Variants in PRKACA observed in about 807,000 individuals in gnomAD.
PRKACA encodes cAMP-dependent protein kinase catalytic subunit alpha.
Under a neutral mutation model 45.8 loss-of-function variants are expected in PRKACA, and 9 were observed. The observed-to-expected ratio is 0.20, with a 90% CI of 0.12 to 0.34. The LOEUF (loss-of-function observed/expected upper bound fraction) is 0.34, where lower values mean the gene tolerates loss of function less well. PRKACA is among the 10% of genes least tolerant of loss of function. The pLI, the probability that PRKACA is intolerant of heterozygous loss-of-function variation, is 1.00. For synonymous variants in PRKACA, 160 were observed against 178.6 expected (o/e 0.90, Z 0.83); for missense variants, 238 against 458.6 (o/e 0.52, Z 4.39).
At chr19:14,114,243 G>T (rs759970476) in intron 1 of PRKACA, 6 of 1,547,882 alleles carry the variant, frequency 3.9e-6, no homozygotes, top group African/African-American at 1.4e-5. Flanking sequence ...TCTGTCCCCA[G>T]AACCCTGCCT....
At chr19:14,116,762 TAA>T (rs1568540666) in intron 1 of PRKACA, among the ~76,000 whole-genome samples, 1 of 151,952 alleles carries the variant, frequency 6.6e-6, no homozygotes, top group Admixed American at 6.6e-5. Context: ...TCTACGTTCA[TAA>T]ACAGTCTGCT....
intron 2 of PRKACA, among the ~76,000 whole-genome samples, chr19:14,107,134 C>T (rs1433229124): frequency 4.1e-5 from 1 of 24,456 alleles, no homozygotes; most frequent in Non-Finnish European, 7.9e-5. Flanking sequence ...GGGGCAGGGG[C>T]GGGCCGTTGG....
intron 1 of PRKACA, among the ~76,000 whole-genome samples, chr19:14,113,704 C>T (rs1281556539): frequency 1.3e-5 from 2 of 152,172 alleles, no homozygotes; most frequent in Non-Finnish European, 2.9e-5. Context: ...GGGCCCCCTA[C>T]TCGAGGCTGG....
chr19:14,107,823 G>A, intron 1 of PRKACA: 1 of 997,716 alleles, frequency 1.0e-6, no homozygotes, highest in African/African-American at 1.7e-5. Flanking sequence ...GGCCTCGGGG[G>A]CTCGGGTAGC....
At chr19:14,096,370 T>A (rs1238240583) in intron 8 of PRKACA, 2 of 151,068 alleles carry the variant, frequency 1.3e-5, no homozygotes, top group Non-Finnish European at 2.9e-5. Context: ...TTTTTTTTTT[T>A]AGAGATGGGG....
At chr19:14,107,470 TG>T in intron 1 of PRKACA, 61 bp from the exon 2 acceptor site, 1 of 1,566,354 alleles carries the variant, frequency 6.4e-7, no homozygotes, top group Non-Finnish European at 8.8e-7. Flanking sequence ...TGGGTTCAGG[TG>T]ATTTCTGGGG....
intron 3 of PRKACA, among the ~76,000 whole-genome samples, chr19:14,104,434 C>T (rs1455715147): frequency 1.3e-5 from 2 of 150,986 alleles, no homozygotes; most frequent in East Asian, 2.0e-4. Context: ...TGGTGGCTCA[C>T]GCCTGTAATC....
intron 1 of PRKACA, among the ~76,000 whole-genome samples, chr19:14,114,667 C>T (rs1436116377): frequency 6.6e-6 from 1 of 152,126 alleles, no homozygotes; most frequent in East Asian, 1.9e-4. Flanking sequence ...GGCGCCTGCC[C>T]CCTGGGGCCG....
chr19:14,108,016 C>G (rs912799377), intron 1 of PRKACA: 1 of 985,922 alleles, frequency 1.0e-6, no homozygotes, highest in South Asian at 4.7e-5. Flanking sequence ...ACTTCCCCGG[C>G]AGACCCTGTG....
At chr19:14,103,579 T>A (rs1027036506) in intron 3 of PRKACA, among the ~76,000 whole-genome samples, 15 of 152,098 alleles carry the variant, frequency 9.9e-5, no homozygotes, top group African/African-American at 3.6e-4. Context: ...CAGGCTGGTG[T>A]GTAACATGTG....
intron 8 of PRKACA, among the ~76,000 whole-genome samples, chr19:14,094,992 C>T (rs140029646): frequency 7.2e-5 from 11 of 152,276 alleles, no homozygotes; most frequent in East Asian, 1.9e-4. Flanking sequence ...TCTGGGCCTG[C>T]GCATGCCTCT....
At position 14,100,817 on chromosome 19, in the gene PRKACA, C is replaced by T. The variant is rs368382580; in HGVS notation, c.419+9G>A. ...GACAGCCTGATGTGATGGGGGGTGG[C>T]CCGCTTACCTGAACCTTCCGATCCG... On this transcript the variant is annotated intron_variant, in intron 5 of 9. Coordinates refer to ENST00000308677, the MANE Select transcript of PRKACA (RefSeq NM_002730.4). 11 of 1,613,846 alleles carry T rather than the reference C, an allele frequency of 6.8e-6. No individual in the cohort carries two copies. The highest frequency in any genetic ancestry group is 8.5e-6 in the Non-Finnish European group (10 of 1,179,756).
At chr19:14,102,260 TG>T (rs1270414553) in intron 4 of PRKACA, among the ~76,000 whole-genome samples, 1 of 151,432 alleles carries the variant, frequency 6.6e-6, no homozygotes, top group Non-Finnish European at 1.5e-5. Flanking sequence ...TGTGCTTCTC[TG>T]GGTCAAACGT....
intron 5 of PRKACA, chr19:14,098,523 T>C (rs1447819684): frequency 6.6e-6 from 1 of 151,472 alleles, no homozygotes; most frequent in Non-Finnish European, 1.5e-5. Flanking sequence ...TTTAAGACAG[T>C]CTCGCTCTCT....
At chr19:14,116,904 G>T (rs1199227210) in intron 1 of PRKACA, among the ~76,000 whole-genome samples, 44 of 150,630 alleles carry the variant, frequency 2.9e-4, no homozygotes, top group Admixed American at 1.1e-3. Flanking sequence ...TGACACAGAA[G>T]AAAAAAATAA....
chr19:14,096,531 C>T (rs1279867154), intron 8 of PRKACA: 1 of 152,862 alleles, frequency 6.5e-6, no homozygotes, highest in African/African-American at 2.4e-5. Flanking sequence ...CAGGCTGAGC[C>T]TGAGGGTGCT....
Position 14,107,329 on chromosome 19 carries a change from C to G in PRKACA, c.108+19G>C, listed in dbSNP as rs755878720. The G allele has an allele frequency of 6.2e-7, 1 of 1,611,866 alleles. No homozygotes were observed. Among genetic ancestry groups the G allele is most frequent in the East Asian group, 2.2e-5 (1 of 44,868 alleles). ...TTAGCAGCTCACCCCTCCCTGGGCT[C>G]TGCACCCGGCAGCCTTACCTGAGCG... is the stretch of plus-strand genomic sequence containing the variant. On this transcript the variant is annotated intron_variant, in intron 2 of 9. Coordinates refer to ENST00000308677, the MANE Select transcript of PRKACA (RefSeq NM_002730.4).
At position 14,102,925 on chromosome 19, in the gene PRKACA, A is replaced by G. The variant is rs1434742176; in HGVS notation, c.238-11T>C. On this transcript the variant is annotated splice_polypyrimidine_tract_variant and intron_variant, in intron 3 of 9. Transcript: ENST00000308677. ...TTTCAGTTTCACCACCTGGGAAGGG[A>G]AGGAGGGGAGGGCAGAAAGGAGGGG... 1 of 1,607,452 alleles carries G rather than the reference A, an allele frequency of 6.2e-7. No homozygotes were observed. Among genetic ancestry groups the G allele is most frequent in the South Asian group, 1.1e-5 (1 of 90,940 alleles).
chr19:14,100,079 G>A (rs1418573124), intron 5 of PRKACA, among the ~76,000 whole-genome samples: 2 of 151,828 alleles, frequency 1.3e-5, no homozygotes, highest in Admixed American at 1.3e-4. Context: ...TCCTGACCTC[G>A]TGATCCGCCC....
Sources: allele counts gnomAD v4.1 joint callset (sites outside exome capture counted in the v4.1 genomes callset), GRCh38; gene constraint gnomAD v4.1.1; transcripts MANE v1.5; gene names NCBI Gene and HGNC (gene_info 2026-07-23, HGNC 2026-07-21).